Variants in PCDH15 observed in about 807,000 individuals in gnomAD.
PCDH15 encodes protocadherin-15.
In PCDH15, 129 loss-of-function variants were observed where a neutral mutation model predicts 178.5. The observed-to-expected ratio is 0.72, with a 90% CI of 0.63 to 0.84. The LOEUF (loss-of-function observed/expected upper bound fraction) is 0.84, where lower values mean the gene tolerates loss of function less well. Ranked by LOEUF, PCDH15 falls within the 40% of genes least tolerant of loss-of-function variation. PCDH15 has a pLI of 0.00. For synonymous variants in PCDH15, 800 were observed against 732.0 expected (o/e 1.09, Z -1.50); for missense variants, 2,230 against 2,099.9 (o/e 1.06, Z -1.21).
At chr10:53,895,181 T>C (rs1338761273) in intron 26 of PCDH15, among the ~76,000 whole-genome samples, 7 of 152,160 alleles carry the variant, frequency 4.6e-5, no homozygotes, top group Non-Finnish European at 1.0e-4. Context: ...CTAACCTCTG[T>C]CTAGAAACAT....
At chr10:54,541,320 C>A (rs79147908) in intron 2 of PCDH15, among the ~76,000 whole-genome samples, 11,350 of 152,118 alleles carry the variant, frequency 0.075, 551 homozygotes, top group Non-Finnish European at 0.11. Flanking sequence ...CAAATTCAAT[C>A]TATAAAAATA....
intron 20 of PCDH15, among the ~76,000 whole-genome samples, chr10:54,001,254 A>G (rs180934651): frequency 2.6e-5 from 4 of 152,324 alleles, no homozygotes; most frequent in African/African-American, 9.6e-5. Flanking sequence ...TACAAAACTC[A>G]CTGGTAATAG....
At chr10:55,602,825 G>A (rs1304108048) in intron 2 of PCDH15, among the ~76,000 whole-genome samples, 2 of 152,172 alleles carry the variant, frequency 1.3e-5, no homozygotes, top group East Asian at 3.9e-4. Flanking sequence ...CTAAAAAGCA[G>A]AGTGCCTCTC....
intron 3 of PCDH15, among the ~76,000 whole-genome samples, chr10:54,520,781 A>G (rs1232116004): frequency 6.6e-6 from 1 of 150,760 alleles, no homozygotes; most frequent in Non-Finnish European, 1.5e-5. Context: ...TTATTGCGGC[A>G]TTATTCACAA....
upstream of PCDH15, among the ~76,000 whole-genome samples, chr10:54,804,626 CTG>C (rs1460564258): frequency 1.3e-5 from 2 of 151,500 alleles, no homozygotes; most frequent in East Asian, 3.9e-4. Flanking sequence ...AATATATATT[CTG>C]TGTTTTATTC....
intron 2 of PCDH15, among the ~76,000 whole-genome samples, chr10:55,449,250 C>T (rs903307541): frequency 1.3e-5 from 2 of 152,048 alleles, no homozygotes; most frequent in Non-Finnish European, 2.9e-5. Context: ...TGTTCCAGTA[C>T]AGAATGGTAC....
chr10:53,898,955 A>G (rs1430190577), intron 26 of PCDH15, among the ~76,000 whole-genome samples: 2 of 152,166 alleles, frequency 1.3e-5, no homozygotes, highest in African/African-American at 4.8e-5. Flanking sequence ...GTATATTAAA[A>G]CCAGAGACTT....
intron 2 of PCDH15, among the ~76,000 whole-genome samples, chr10:55,517,373 T>A (rs1321893692): frequency 6.6e-6 from 1 of 152,136 alleles, no homozygotes; most frequent in South Asian, 2.1e-4. Flanking sequence ...TTCTAATATA[T>A]TTAACTTGGA....
chr10:55,367,094 A>G (rs921786062), intron 2 of PCDH15, among the ~76,000 whole-genome samples: 1 of 152,078 alleles, frequency 6.6e-6, no homozygotes, highest in East Asian at 1.9e-4. Context: ...CATCTTCCAC[A>G]TATCACTCAG....
At chr10:53,824,851 T>C (rs1486730239) in intron 32 of PCDH15, among the ~76,000 whole-genome samples, 2 of 151,816 alleles carry the variant, frequency 1.3e-5, no homozygotes, top group African/African-American at 2.4e-5. Context: ...AATTTTAAGT[T>C]CTTAAAATTT....
At chr10:54,058,698 CTTTTTT>C (rs58250372) in intron 18 of PCDH15, among the ~76,000 whole-genome samples, 2 of 133,306 alleles carry the variant, frequency 1.5e-5, no homozygotes, top group Non-Finnish European at 3.3e-5. Flanking sequence ...TTCTTTCTTT[CTTTTTT>C]TTTTTTTAGA....
intron 1 of PCDH15, among the ~76,000 whole-genome samples, chr10:55,250,090 T>A (rs1841794582): frequency 6.6e-6 from 1 of 152,144 alleles, no homozygotes; most frequent in Admixed American, 6.5e-5. Flanking sequence ...ATTTTGTTTT[T>A]CTTATTCTGC....
chr10:53,835,522 A>G (rs74134800), intron 29 of PCDH15, among the ~76,000 whole-genome samples: 3,182 of 147,412 alleles, frequency 0.022, 120 homozygotes, highest in African/African-American at 0.073. Context: ...TGAAGTCACA[A>G]TGTGAGCAAA....
At chr10:54,038,758 T>C (rs1416591097) in intron 18 of PCDH15, among the ~76,000 whole-genome samples, 4 of 151,968 alleles carry the variant, frequency 2.6e-5, no homozygotes, top group Admixed American at 6.6e-5. Context: ...CACACAGTCT[T>C]CATAACAAGC....
intron 1 of PCDH15, among the ~76,000 whole-genome samples, chr10:55,207,557 T>G (rs1354714060): frequency 6.6e-6 from 1 of 152,206 alleles, no homozygotes; most frequent in Non-Finnish European, 1.5e-5. Flanking sequence ...TCTTTCAAAT[T>G]ACTAAAGTCA....
intron 3 of PCDH15, among the ~76,000 whole-genome samples, chr10:54,883,241 A>G (rs1345387745): frequency 1.3e-5 from 2 of 152,106 alleles, no homozygotes. Context: ...GCTTCACTTG[A>G]TGAAAAGCTT....
At chr10:54,277,044 T>A (rs1209505305) in intron 8 of PCDH15, among the ~76,000 whole-genome samples, 2 of 151,558 alleles carry the variant, frequency 1.3e-5, no homozygotes, top group Non-Finnish European at 3.0e-5. Context: ...TTCAGCACGT[T>A]TTTTTTCCTC....
intron 10 of PCDH15, among the ~76,000 whole-genome samples, chr10:54,213,125 TG>T (rs34957629): frequency 0.17 from 26,250 of 151,976 alleles, 3,629 homozygotes; most frequent in East Asian, 0.82. Flanking sequence ...TGCTTAAATA[TG>T]AGAGAGTTAT....
chr10:54,217,266 T>G (rs1409828563), intron 9 of PCDH15, among the ~76,000 whole-genome samples: 2 of 152,126 alleles, frequency 1.3e-5, no homozygotes, highest in African/African-American at 2.4e-5. Context: ...TAAATGTATA[T>G]TTAGTTGTTG....
Sources: gnomAD v4.1 joint callset for allele counts (sites outside exome capture counted in the v4.1 genomes callset) on GRCh38, gnomAD v4.1.1 for gene constraint, MANE v1.5 for transcripts, NCBI Gene and HGNC (gene_info 2026-07-23, HGNC 2026-07-21) for gene names.